Variants in MYO18B observed in about 807,000 individuals in gnomAD.
MYO18B encodes myosin XVIIIB.
Under a neutral mutation model 273.0 loss-of-function variants are expected in MYO18B, and 204 were observed. That is an observed-to-expected ratio of 0.75 (90% CI 0.67 to 0.84). The LOEUF is 0.84. MYO18B is among the 40% of genes least tolerant of loss of function. The pLI is 0.00. For missense variants in MYO18B, 3,212 were observed against 3,287.6 expected, an observed-to-expected ratio of 0.98 and a Z score of 0.56; for synonymous variants, 1,330 against 1,305.7, an observed-to-expected ratio of 1.02 and a Z score of -0.40.
the MYO18B span, among the ~76,000 whole-genome samples, chr22:26,051,702 TCC>T: frequency 4.6e-5 from 7 of 152,356 alleles, no homozygotes; most frequent in South Asian, 1.5e-3. Flanking sequence ...GGGTAATCAT[TCC>T]CAGTGATTTC....
the MYO18B span, among the ~76,000 whole-genome samples, chr22:26,049,921 T>C: frequency 4.6e-5 from 7 of 152,356 alleles, no homozygotes; most frequent in Non-Finnish European, 8.8e-5. Flanking sequence ...TACTTTCTTT[T>C]GCACTGCAAA....
intron 21 of MYO18B, among the ~76,000 whole-genome samples, chr22:25,854,546 A>G (rs1180068817): frequency 6.6e-6 from 1 of 152,252 alleles, no homozygotes; most frequent in Non-Finnish European, 1.5e-5. Context: ...AACCATTTTT[A>G]AGTGTGTTGA....
chr22:25,999,992 GA>G (rs1569281529), intron 40 of MYO18B, among the ~76,000 whole-genome samples: 3 of 152,166 alleles, frequency 2.0e-5, no homozygotes, highest in Non-Finnish European at 4.4e-5. Flanking sequence ...CAAGGGGAGA[GA>G]AAACCACTGA....
chr22:25,975,581 A>T (rs1481972843), intron 39 of MYO18B, among the ~76,000 whole-genome samples: 3 of 152,272 alleles, frequency 2.0e-5, no homozygotes, highest in East Asian at 1.9e-4. Flanking sequence ...AAAGAGGCTT[A>T]CAAGAGTTGA....
Position 25,954,137 on chromosome 22 carries a change from C to T in MYO18B, c.5971-1042C>T, listed in dbSNP as rs5997008. 3.3e-3 allele frequency among the ~76,000 whole-genome samples: 498 copies of T among 152,154 alleles called. 1 individual carries two copies. The highest frequency in any genetic ancestry group is 5.1e-3 in the Admixed American group (78 of 15,296). ...TTGCCCATCAGGATCGATTGGTTCC[C>T]GGCTTGTTGGCCAACTAATGAATTC... is the stretch of plus-strand genomic sequence containing the variant. On this transcript the variant is annotated intron_variant, in intron 38 of 43. Transcript: ENST00000335473.
Position 25,857,273 on chromosome 22 carries a change from A to G in MYO18B, c.3885+5694A>G, listed in dbSNP as rs117331819. On this transcript the variant is annotated intron_variant, in intron 21 of 43. Coordinates refer to ENST00000335473, the MANE Select transcript of MYO18B (RefSeq NM_032608.7). Reference sequence around the variant, plus strand: ...TGCTGAAGCAGGAGTTGCCAAGTCTATCTGATCGATGTGAGGAAACCCTTG... The same window carrying G: ...TGCTGAAGCAGGAGTTGCCAAGTCTGTCTGATCGATGTGAGGAAACCCTTG... 6.7e-4 allele frequency among the ~76,000 whole-genome samples: 102 copies of G among 152,294 alleles called. 1 individual carries two copies. In the East Asian group the frequency reaches 0.018, roughly 27 times the overall value.
rs750246294 is a variant in MYO18B at position 25,768,444 on chromosome 22, C to A, written c.528C>A (p.Pro176=). 1.3e-5 allele frequency: 18 copies of A among 1,344,860 alleles called. No homozygotes were observed. Among genetic ancestry groups the A allele is most frequent in the South Asian group, 4.6e-5 (4 of 87,080 alleles). 83.3% of individuals were successfully genotyped at this position (1,344,860 alleles called of 1,614,324 possible). The change falls in exon 4 of 44, where the codon CCC becomes CCA. Residue 176 remains proline, a synonymous_variant. Transcript: ENST00000335473. ...KPEKTHPHDA[P]PCKTSPPATD... Reference sequence around the variant, plus strand: ...AGAAGACTCATCCCCATGACGCCCCCCCTTGCAAGACCTCTCCCCCCGCCA... The same window carrying A: ...AGAAGACTCATCCCCATGACGCCCCACCTTGCAAGACCTCTCCCCCCGCCA...
At chr22:25,843,450 G>C (rs1055582403) in intron 17 of MYO18B, among the ~76,000 whole-genome samples, 3 of 152,162 alleles carry the variant, frequency 2.0e-5, no homozygotes, top group Non-Finnish European at 4.4e-5. Flanking sequence ...CACAGTCCAG[G>C]TGATACGTGG....
At chr22:25,849,761 A>G (rs1301464069) in intron 20 of MYO18B, among the ~76,000 whole-genome samples, 2 of 152,162 alleles carry the variant, frequency 1.3e-5, no homozygotes, top group African/African-American at 2.4e-5. Flanking sequence ...CCTCTCCTAT[A>G]ATAGCTCATA....
Position 25,772,453 on chromosome 22 carries a change from A to G in MYO18B, c.1812A>G (p.Thr604=), listed in dbSNP as rs1221941190. The change falls in exon 7 of 44, where the codon ACA becomes ACG. Residue 604 remains threonine (T), a synonymous_variant. Coordinates refer to ENST00000335473, the MANE Select transcript of MYO18B (RefSeq NM_032608.7). Reference sequence around the variant, plus strand: ...AAGCTCAGCTGCTGCACACCTGCACAGGGCCTGATCTGATTGTCCTCCAGC... The same window carrying G: ...AAGCTCAGCTGCTGCACACCTGCACGGGGCCTGATCTGATTGTCCTCCAGC... ...RYKAQLLHTC[T]GPDLIVLQPR... is the part of the protein sequence containing the mutation. 6.2e-7 allele frequency: 1 copy of G among 1,614,000 alleles called. No individual in the cohort carries two copies. Among genetic ancestry groups the G allele is most frequent in the East Asian group, 2.2e-5 (1 of 44,880 alleles).
chr22:25,829,910 G>A (rs1442555738), intron 15 of MYO18B, among the ~76,000 whole-genome samples: 1 of 151,710 alleles, frequency 6.6e-6, no homozygotes, highest in African/African-American at 2.4e-5. Context: ...TAAACCAGAA[G>A]CATATAGCTC....
At chr22:25,754,145 A>C (rs1372603713) in intron 1 of MYO18B, among the ~76,000 whole-genome samples, 1 of 152,164 alleles carries the variant, frequency 6.6e-6, no homozygotes, top group African/African-American at 2.4e-5. Flanking sequence ...GCTCTGGAGG[A>C]GGAGTAGGGT....
chr22:26,028,104 G>C (rs2147029306), intron 43 of MYO18B, among the ~76,000 whole-genome samples: 1 of 152,176 alleles, frequency 6.6e-6, no homozygotes, highest in African/African-American at 2.4e-5. Flanking sequence ...AATTAGCCAG[G>C]TGTCTTGACG....
intron 39 of MYO18B, chr22:25,959,265 C>CTTTTTT (rs957809634): frequency 1.7e-5 from 2 of 119,266 alleles, no homozygotes; most frequent in African/African-American, 3.4e-5. Flanking sequence ...CTCCATCTTC[C>CTTTTTT]TTTTTTTTTT....
In MYO18B at chr22:25,890,826, G is replaced by A; in HGVS notation, c.4385G>A (p.Ser1462Asn). The A allele has an allele frequency of 1.2e-6, 2 of 1,613,998 alleles. No individual in the cohort carries two copies. The highest frequency in any genetic ancestry group is 1.7e-6 in the Non-Finnish European group (2 of 1,179,892). Residue 1462 changes from serine to asparagine, a missense_variant, in exon 26 of 44, where the codon AGT (serine) becomes AAT (asparagine). Transcript: ENST00000335473. ...KGDVACQVLE[S>N]ERAERLQAFR... is the part of the protein sequence containing the mutation. ...GATGTGGCCTGCCAGGTGCTGGAGAGTGAGCGGGCAGAGCGGCTACAGGCC... is the reference window on the plus strand; with the variant it reads ...GATGTGGCCTGCCAGGTGCTGGAGAATGAGCGGGCAGAGCGGCTACAGGCC...
intron 12 of MYO18B, among the ~76,000 whole-genome samples, chr22:25,813,587 G>A (rs376832170): frequency 9.2e-5 from 14 of 152,108 alleles, no homozygotes; most frequent in East Asian, 3.9e-4. Flanking sequence ...ATTAAGGAGC[G>A]TGCTCTAGGC....
At chr22:25,783,873 C>T (rs2087265385) in intron 10 of MYO18B, among the ~76,000 whole-genome samples, 1 of 152,210 alleles carries the variant, frequency 6.6e-6, no homozygotes, top group African/African-American at 2.4e-5. Context: ...GAGTCATTGT[C>T]ATTCTGAAGC....
rs145940606 is a variant in MYO18B, at chr22:26,024,838, A to G, written c.6471-1607A>G. On this transcript the variant is annotated intron_variant, in intron 42 of 43. Coordinates refer to ENST00000335473, the MANE Select transcript of MYO18B (RefSeq NM_032608.7). ...CTCAGTCTCTTCTGGCTGCTATAAC[A>G]AGAACACCATAGACTGGGTGGCTTA... Among the ~76,000 whole-genome samples, 294 of 152,272 alleles carry G rather than the reference A, an allele frequency of 1.9e-3. 1 individual carries two copies. The highest frequency in any genetic ancestry group is 6.7e-3 in the African/African-American group (279 of 41,546).
At chr22:25,933,249 A>G (rs2092532257) in intron 34 of MYO18B, among the ~76,000 whole-genome samples, 1 of 152,202 alleles carries the variant, frequency 6.6e-6, no homozygotes, top group African/African-American at 2.4e-5. Flanking sequence ...TTAAAACCAG[A>G]AAGTCCCAGA....
Sources: allele counts gnomAD v4.1 joint callset (sites outside exome capture counted in the v4.1 genomes callset), GRCh38; gene constraint gnomAD v4.1.1; transcripts MANE v1.5; gene names NCBI Gene and HGNC (gene_info 2026-07-23, HGNC 2026-07-21).